DOK3: variants seen among roughly 807,000 people sequenced by gnomAD.
The protein encoded by DOK3 is docking protein 3.
A neutral mutation model predicts 26.2 loss-of-function variants in DOK3; 23 were observed. That is an observed-to-expected ratio of 0.88 (90% CI 0.63 to 1.24). The LOEUF (loss-of-function observed/expected upper bound fraction) is 1.24, where lower values mean the gene tolerates loss of function less well. DOK3 is among the 50% of genes most tolerant of loss of function. The pLI is 0.00. For synonymous variants in DOK3, 268 were observed against 268.2 expected (o/e 1.00, Z 0.01); for missense variants, 619 against 610.6 (o/e 1.01, Z -0.15).
Position 177,509,790 on chromosome 5 carries a change from C to T in DOK3, c.-150G>A, listed in dbSNP as rs1760750012. On this transcript the variant is annotated 5_prime_UTR_variant, in exon 1 of 6. Coordinates refer to ENST00000510898, the MANE Select transcript of DOK3 (RefSeq NM_001308236.3). ...GAGCCCCCGGCCACCTGAAGGCAGC[C>T]TTCTCACGCACCTGGTTCAGCTGGG... is the stretch of plus-strand genomic sequence containing the variant. 3.1e-6 allele frequency: 5 copies of T among 1,612,000 alleles called. No individual in the cohort carries two copies. In the African/African-American group the frequency reaches 5.3e-5, roughly 17 times the overall value.
rs759783575 is a variant in DOK3 at position 177,505,164 on chromosome 5, C to T, written c.373-54G>A. The stretch of plus-strand genomic sequence containing the variant: ...GAGCACCGCACTCCCATGCCCTGTC[C>T]CCTCCCCTCAGTATCCCAGAACTCC... On this transcript the variant is annotated intron_variant, in intron 3 of 5. Transcript: ENST00000510898. 35 of 1,472,980 alleles carry T rather than the reference C, an allele frequency of 2.4e-5. No homozygotes were observed. The South Asian group carries it at 2.6e-4, about 11-fold the overall frequency. The allele number at this position is 1,472,980 out of a possible 1,614,324, so 91.2% of individuals were successfully genotyped here. A position where few individuals can be genotyped will look rare whatever the true frequency, so the allele number is the denominator to read the frequency against.
In DOK3 at chr5:177,508,557, C is replaced by T. The variant is rs374179376; in HGVS notation, c.67-15G>A. 15 of 1,515,476 alleles carry T rather than the reference C, an allele frequency of 9.9e-6. No homozygotes were observed. The highest frequency in any genetic ancestry group is 2.5e-5 in the South Asian group (2 of 81,076). 93.9% of individuals were successfully genotyped at this position (1,515,476 alleles called of 1,614,324 possible). The stretch of plus-strand genomic sequence containing the variant: ...CGCCAGCACTTCTGCGGGAGGGGAG[C>T]GGGAGGGTGAAGACCCTTGGGTGGC... On this transcript the variant is annotated splice_polypyrimidine_tract_variant and intron_variant, in intron 2 of 5. Transcript: ENST00000510898.
In DOK3 at chr5:177,504,449, T is replaced by A; in HGVS notation, c.857A>T (p.Glu286Val). The change falls in exon 6 of 6, where the codon GAG becomes GTG. Residue 286 changes from glutamate (E) to valine (V), a missense_variant. Glu to Val is a moderately radical substitution (Grantham distance 121, BLOSUM62 -2). Transcript: ENST00000510898. Reference sequence around the variant, plus strand: ...GGGTGGCTCAGGTCCTGGTGGCATCTCCCGAAGCTCTCCGGGGGTGTCCAG... The same window carrying A: ...GGGTGGCTCAGGTCCTGGTGGCATCACCCGAAGCTCTCCGGGGGTGTCCAG... ...PSLDTPGELREMPPGPEPPTS... is the reference protein window; with the variant it reads ...PSLDTPGELRVMPPGPEPPTS... 1 of 1,576,336 alleles carries A rather than the reference T, an allele frequency of 6.3e-7. No individual in the cohort carries two copies. Among genetic ancestry groups the A allele is most frequent in the Non-Finnish European group, 8.6e-7 (1 of 1,161,966 alleles).
intron 3 of DOK3, 70 bp downstream of exon 3, chr5:177,508,167 G>A (rs1004214493): frequency 2.5e-5 from 35 of 1,404,846 alleles, no homozygotes; most frequent in Non-Finnish European, 3.1e-5. Flanking sequence ...GTGATGGGAT[G>A]TGAGCGTGGA....
At chr5:177,505,727 C>T (rs962888242) in intron 3 of DOK3, among the ~76,000 whole-genome samples, 4 of 152,084 alleles carry the variant, frequency 2.6e-5, no homozygotes, top group East Asian at 1.9e-4. Context: ...CTGCAATTTC[C>T]GCCTCCCGGG....
intron 3 of DOK3, among the ~76,000 whole-genome samples, chr5:177,505,479 G>A (rs2127425243): frequency 6.6e-6 from 1 of 152,292 alleles, no homozygotes. Context: ...CACCTGCTAT[G>A]ACCCTGCAAG....
At position 177,502,253 on chromosome 5, in the gene DOK3, G is replaced by A. The variant is rs1759425348; in HGVS notation, c.*1730C>T. On this transcript the variant is annotated 3_prime_UTR_variant, in exon 6 of 6. Transcript: ENST00000510898. ...GAGAGTTAATTGAGGGGAGAATGGGGGTGAGAAAGTGGAAATGAAAGTAAT... is the reference window on the plus strand; with the variant it reads ...GAGAGTTAATTGAGGGGAGAATGGGAGTGAGAAAGTGGAAATGAAAGTAAT... The A allele has an allele frequency of 6.6e-6, 1 of 152,238 alleles. No individual in the cohort carries two copies. The highest frequency in any genetic ancestry group is 1.5e-5 in the Non-Finnish European group (1 of 68,062). The allele number at this position is 152,238 out of a possible 1,614,324, so 9.4% of individuals were successfully genotyped here.
In DOK3 at chr5:177,503,550, T is replaced by A; in HGVS notation, c.*433A>T. On this transcript the variant is annotated 3_prime_UTR_variant, in exon 6 of 6. Coordinates refer to ENST00000510898, the MANE Select transcript of DOK3 (RefSeq NM_001308236.3). Reference sequence around the variant, plus strand: ...GTTGCTCCTTCCTGAGTCTGACAAGTAAGCCTCACAGCTCCCTCCGCCTGC... The same window carrying A: ...GTTGCTCCTTCCTGAGTCTGACAAGAAAGCCTCACAGCTCCCTCCGCCTGC... The A allele has an allele frequency of 7.2e-7, 1 of 1,388,156 alleles. No homozygotes were observed. The highest frequency in any genetic ancestry group is 9.4e-7 in the Non-Finnish European group (1 of 1,058,310). 86.0% of individuals were successfully genotyped at this position (1,388,156 alleles called of 1,614,324 possible). A position where few individuals can be genotyped will look rare whatever the true frequency, so the allele number is the denominator to read the frequency against.
At chr5:177,509,290 A>G in intron 2 of DOK3, 185 bp downstream of exon 2, 1 of 680,254 alleles carries the variant, frequency 1.5e-6, no homozygotes. Flanking sequence ...GAGCCTGCTC[A>G]GCCCCTGCCG....
rs375564754 is a variant in DOK3 at position 177,508,308 on chromosome 5, C to T, written c.301G>A (p.Glu101Lys). 40 of 1,585,164 alleles carry T rather than the reference C, an allele frequency of 2.5e-5. No individual in the cohort carries two copies. The highest frequency in any genetic ancestry group is 9.0e-5 in the South Asian group (8 of 88,952). ...DTGAFLLTTT[E>K]RSHLLAAQHR... ...TGAGCAGCCAGTAGATGGCTTCGCT[C>T]GGTGGTGGTGAGCAGGAAGGCACCG... The change falls in exon 3 of 6, where the codon GAG becomes AAG. Residue 101 changes from glutamate (E) to lysine (K), a missense_variant. Transcript: ENST00000510898.
At position 177,504,131 on chromosome 5, in the gene DOK3, G is replaced by A. The variant is rs1759689786; in HGVS notation, c.1175C>T (p.Thr392Ile). The change falls in exon 6 of 6, where the codon ACC (threonine) becomes ATC (isoleucine). Residue 392 changes from threonine (T) to isoleucine (I), a missense_variant. Thr to Ile is a moderately conservative substitution (Grantham distance 89). Coordinates refer to ENST00000510898, the MANE Select transcript of DOK3 (RefSeq NM_001308236.3). ...CAGCCGCCGGTACTGGGCCTCCAGG[G>A]TACTGTCGTTGGCCGGGCCGGGCCA... ...LSWPGPANDSTLEAQYRRLLE... is the reference protein window; with the variant it reads ...LSWPGPANDSILEAQYRRLLE... 2 of 1,613,876 alleles carry A rather than the reference G, an allele frequency of 1.2e-6. No individual in the cohort carries two copies. Among genetic ancestry groups the A allele is most frequent in the African/African-American group, 2.7e-5 (2 of 75,048 alleles).
In DOK3 at chr5:177,503,503, G is replaced by GGGTCTCCA; in HGVS notation, c.*472_*479dup. ...CTGCCTCCTCCCAGCTCGGGCCTCC[G>GGGTCTCCA]GGTCTCCAGTTGGGCCCTCATGTTG... On this transcript the variant is annotated 3_prime_UTR_variant, in exon 6 of 6. Coordinates refer to ENST00000510898, the MANE Select transcript of DOK3 (RefSeq NM_001308236.3). 2 of 1,442,252 alleles carry GGGTCTCCA rather than the reference G, an allele frequency of 1.4e-6. No individual in the cohort carries two copies. Among genetic ancestry groups the GGGTCTCCA allele is most frequent in the Non-Finnish European group, 1.8e-6 (2 of 1,098,698 alleles). The allele number at this position is 1,442,252 out of a possible 1,614,324, so 89.3% of individuals were successfully genotyped here. A position where few individuals can be genotyped will look rare whatever the true frequency, so the allele number is the denominator to read the frequency against.
At chr5:177,509,699 C>G in intron 1 of DOK3, 42 bp from the exon 2 acceptor site, 1 of 1,604,696 alleles carries the variant, frequency 6.2e-7, no homozygotes, top group South Asian at 1.1e-5. Context: ...AGCTCAGGGG[C>G]TGGGGGCAGC....
In DOK3 at chr5:177,509,476, T is replaced by C. The variant is rs1375179754; in HGVS notation, c.65A>G (p.Lys22Arg). 5.6e-6 allele frequency: 9 copies of C among 1,607,716 alleles called. No homozygotes were observed. The highest frequency in any genetic ancestry group is 5.9e-6 in the Non-Finnish European group (7 of 1,176,852). Residue 22 changes from lysine (K) to arginine (R), a missense_variant and splice_region_variant, in exon 2 of 6, where the codon AAG (lysine) becomes AGG (arginine). Transcript: ENST00000510898. The part of the protein sequence containing the change: ...ILYQQHVKFG[K>R]KCWRKVWALL... ...TGCCTGGCAGCCAGGGGTCCCCACC[T>C]TGCCAAACTTGACATGCTGCTGGTA...
upstream of DOK3, chr5:177,509,891 C>T (rs370487551): frequency 2.1e-4 from 330 of 1,605,962 alleles, no homozygotes; most frequent in Admixed American, 3.2e-4. Flanking sequence ...CGGGCAGCTG[C>T]GCACCCTGGG....
chr5:177,509,454 C>A, intron 2 of DOK3, 21 bp downstream of exon 2: 1 of 1,596,088 alleles, frequency 6.3e-7, no homozygotes. Context: ...TGGCAGCTGC[C>A]TGGCAGCCAG....
At position 177,503,956 on chromosome 5, in the gene DOK3, C is replaced by A; in HGVS notation, c.*27G>T. 6.6e-7 allele frequency: 1 copy of A among 1,513,144 alleles called. No individual in the cohort carries two copies. The highest frequency in any genetic ancestry group is 8.8e-7 in the Non-Finnish European group (1 of 1,130,240). The allele number at this position is 1,513,144 out of a possible 1,614,324, so 93.7% of individuals were successfully genotyped here. A position where few individuals can be genotyped will look rare whatever the true frequency, so the allele number is the denominator to read the frequency against. ...TCCTGTCCCAGGGGGAGCACCTCTCCCCTCTGGCCACCACTCTGCTGGGCG... is the reference window on the plus strand; with the variant it reads ...TCCTGTCCCAGGGGGAGCACCTCTCACCTCTGGCCACCACTCTGCTGGGCG... On this transcript the variant is annotated 3_prime_UTR_variant, in exon 6 of 6. Transcript: ENST00000510898.
Position 177,509,673 on chromosome 5 carries a change from A to T in DOK3, c.-117-16T>A. On this transcript the variant is annotated splice_polypyrimidine_tract_variant and intron_variant, in intron 1 of 5. Transcript: ENST00000510898. ...CTAGAGACAGCTGCAGGCCGGGGGG[A>T]GGGGAGCCTGTCTTCAGCTCAGGGG... 1 of 1,589,872 alleles carries T rather than the reference A, an allele frequency of 6.3e-7. No homozygotes were observed. The highest frequency in any genetic ancestry group is 8.6e-7 in the Non-Finnish European group (1 of 1,165,080).
Position 177,504,165 on chromosome 5 carries a change from C to A in DOK3, c.1141G>T (p.Asp381Tyr). 1.2e-6 allele frequency: 2 copies of A among 1,613,896 alleles called. No homozygotes were observed. The highest frequency in any genetic ancestry group is 1.7e-6 in the Non-Finnish European group (2 of 1,179,898). The change falls in exon 6 of 6, where the codon GAC (aspartate) becomes TAC (tyrosine). Residue 381 changes from aspartate to tyrosine, a missense_variant. By Grantham distance (160) the Asp-to-Tyr change is radical. Transcript: ENST00000510898. Reference sequence around the variant, plus strand: ...TTGGCCGGGCCGGGCCAGCTCAAGTCCTGGCCGTTGTGGTAGATGGGACTG... The same window carrying A: ...TTGGCCGGGCCGGGCCAGCTCAAGTACTGGCCGTTGTGGTAGATGGGACTG... ...TTSPIYHNGQ[D>Y]LSWPGPANDS... is the part of the protein sequence containing the mutation.
Sources: gnomAD v4.1 joint callset for allele counts (sites outside exome capture counted in the v4.1 genomes callset) on GRCh38, gnomAD v4.1.1 for gene constraint, MANE v1.5 for transcripts, NCBI Gene and HGNC (gene_info 2026-07-23, HGNC 2026-07-21) for gene names.